The following MDN1 variants were observed in gnomAD, a reference collection of about 807,000 sequenced individuals.
MDN1 encodes midasin AAA ATPase 1, also known as midasin.
In MDN1, 266 loss-of-function variants were observed where a neutral mutation model predicts 669.2. That is an observed-to-expected ratio of 0.40 (90% CI 0.36 to 0.44). The LOEUF is 0.44. Ranked by LOEUF, MDN1 falls within the 20% of genes least tolerant of loss-of-function variation. MDN1 has a pLI of 1.00. For missense variants in MDN1, 5,940 were observed against 6,754.0 expected, an observed-to-expected ratio of 0.88 and a Z score of 4.22; for synonymous variants, 2,385 against 2,457.1, an observed-to-expected ratio of 0.97 and a Z score of 0.87.
chr6:89,819,396 G>GCTGCAC (rs1288654757), intron 1 of MDN1, 110 bp downstream of exon 1: 15 of 1,034,574 alleles, frequency 1.4e-5, no homozygotes, highest in Admixed American at 3.6e-5. Context: ...TTGACCTGAG[G>GCTGCAC]CTGCACCACT....
chr6:89,738,064 T>G (rs1177576882), intron 33 of MDN1, among the ~76,000 whole-genome samples: 1 of 152,204 alleles, frequency 6.6e-6, no homozygotes, highest in Non-Finnish European at 1.5e-5. Flanking sequence ...ACATGTTCAT[T>G]GATGACAACT....
At chr6:89,801,080 G>A (rs1260606529) in intron 2 of MDN1, among the ~76,000 whole-genome samples, 2 of 152,210 alleles carry the variant, frequency 1.3e-5, no homozygotes, top group Non-Finnish European at 2.9e-5. Flanking sequence ...TTAGAAATAA[G>A]GTTACACTCT....
intron 99 of MDN1, among the ~76,000 whole-genome samples, chr6:89,647,030 T>C (rs1045321720): frequency 2.0e-5 from 3 of 152,184 alleles, no homozygotes; most frequent in Admixed American, 2.0e-4. Context: ...CAAGCGGTCC[T>C]CACACCTCAA....
chr6:89,784,908 A>T (rs1234424884), intron 9 of MDN1, 104 bp downstream of exon 9: 2 of 739,550 alleles, frequency 2.7e-6, no homozygotes, highest in Non-Finnish European at 4.6e-6. Flanking sequence ...ACAGACTGCA[A>T]AATTTAGGTT....
chr6:89,661,357 G>A, intron 88 of MDN1, 74 bp downstream of exon 88: 1 of 1,515,288 alleles, frequency 6.6e-7, no homozygotes, highest in Non-Finnish European at 8.9e-7. Context: ...CACTGAGCTA[G>A]CTTTCAAAAG....
chr6:89,650,392 G>A (rs1316525077), intron 96 of MDN1, among the ~76,000 whole-genome samples, 194 bp from the exon 97 acceptor site: 1 of 152,160 alleles, frequency 6.6e-6, no homozygotes, highest in African/African-American at 2.4e-5. Flanking sequence ...CACGTATGTG[G>A]CAATAATAAT....
At chr6:89,709,052 A>G (rs1032382771) in intron 50 of MDN1, among the ~76,000 whole-genome samples, 28 of 152,140 alleles carry the variant, frequency 1.8e-4, no homozygotes, top group African/African-American at 6.5e-4. Context: ...CATTAAGAAA[A>G]CAATGCAGTT....
chr6:89,710,966 A>G (rs1056176152), intron 49 of MDN1, among the ~76,000 whole-genome samples, 172 bp from the exon 50 acceptor site: 1 of 152,236 alleles, frequency 6.6e-6, no homozygotes, highest in African/African-American at 2.4e-5. Context: ...TTTTAAATCT[A>G]ATCTACATTT....
At chr6:89,751,311 T>C (rs1816933443) in intron 23 of MDN1, 120 bp downstream of exon 23, 2 of 1,259,542 alleles carry the variant, frequency 1.6e-6, no homozygotes, top group Non-Finnish European at 2.2e-6. Flanking sequence ...TTGTAAGTAA[T>C]TGTTCAGTTG....
intron 68 of MDN1, 140 bp from the exon 69 acceptor site, chr6:89,687,163 T>C (rs1356454141): frequency 1.5e-6 from 2 of 1,322,720 alleles, no homozygotes; most frequent in Non-Finnish European, 2.1e-6. Context: ...CCCTCAAGAA[T>C]ATATGCTGTT....
At chr6:89,680,510 C>G in intron 74 of MDN1, 79 bp downstream of exon 74, 2 of 1,521,092 alleles carry the variant, frequency 1.3e-6, no homozygotes, top group South Asian at 2.6e-5. Flanking sequence ...AAAAAGGACA[C>G]AGTTGCCACA....
At chr6:89,788,633 A>G (rs899715408) in intron 7 of MDN1, among the ~76,000 whole-genome samples, 2 of 152,198 alleles carry the variant, frequency 1.3e-5, no homozygotes, top group African/African-American at 4.8e-5. Flanking sequence ...TTTTCATAAG[A>G]GTTATCGAGA....
At chr6:89,699,059 T>G in intron 58 of MDN1, 24 bp from the exon 59 acceptor site, 15 of 1,578,412 alleles carry the variant, frequency 9.5e-6, no homozygotes, top group Non-Finnish European at 1.3e-5. Context: ...AATAATTAGG[T>G]AAGAGAATAC....
At chr6:89,649,508 G>A (rs369614535) in intron 97 of MDN1, among the ~76,000 whole-genome samples, 8 of 152,302 alleles carry the variant, frequency 5.3e-5, no homozygotes, top group Admixed American at 3.3e-4. Flanking sequence ...ATCTGTAATG[G>A]TGGTATAAGT....
chr6:89,739,217 C>T (rs935283666), intron 32 of MDN1, among the ~76,000 whole-genome samples: 7 of 152,256 alleles, frequency 4.6e-5, no homozygotes, highest in African/African-American at 1.7e-4. Flanking sequence ...GCTTGTTAGG[C>T]ATGCGAAACT....
intron 99 of MDN1, among the ~76,000 whole-genome samples, chr6:89,647,373 G>A (rs1808557793): frequency 6.6e-6 from 1 of 152,352 alleles, no homozygotes; most frequent in Admixed American, 6.5e-5. Flanking sequence ...GTTCTCTTAA[G>A]TAAGTCACTG....
chr6:89,816,038 T>C (rs1216478456), intron 1 of MDN1, among the ~76,000 whole-genome samples: 22 of 152,218 alleles, frequency 1.4e-4, no homozygotes, highest in Non-Finnish European at 1.2e-4. Context: ...TTTTATTTTA[T>C]TAGAAAGAAA....
intron 31 of MDN1, 48 bp downstream of exon 31, chr6:89,743,102 C>T (rs764167882): frequency 2.6e-5 from 42 of 1,593,108 alleles, no homozygotes; most frequent in Non-Finnish European, 3.2e-5. Flanking sequence ...AAAAAAAAAT[C>T]ACACCAACAA....
Position 89,675,477 on chromosome 6 carries a change from ACTGCT to A in MDN1, c.12743_12747del (p.Glu4248ValfsTer53). On this transcript the variant is annotated frameshift_variant, in exon 78 of 102. Coordinates refer to ENST00000369393, the MANE Select transcript of MDN1 (RefSeq NM_014611.3). LOFTEE classifies it high-confidence loss of function. ...ATCAGCTGATACCTGAGGATGATCC[ACTGCT>A]CACTGAGCGTGGTCAGGGAGCGCCG... 6.2e-7 allele frequency: 1 copy of A among 1,613,342 alleles called. No individual in the cohort carries two copies. Among genetic ancestry groups the A allele is most frequent in the Non-Finnish European group, 8.5e-7 (1 of 1,179,934 alleles).
Sources: allele counts gnomAD v4.1 joint callset (sites outside exome capture counted in the v4.1 genomes callset), GRCh38; gene constraint gnomAD v4.1.1; transcripts MANE v1.5; gene names NCBI Gene and HGNC (gene_info 2026-07-23, HGNC 2026-07-21).